ATP10B: variants seen among roughly 807,000 people sequenced by gnomAD.
ATP10B encodes the protein phospholipid-transporting ATPase VB.
ATP10B carries 122 observed loss-of-function variants against 141.2 expected under a neutral mutation model. That is an observed-to-expected ratio of 0.86 (90% CI 0.75 to 1.00). The LOEUF (loss-of-function observed/expected upper bound fraction) is 1.00. ATP10B is among the 50% of genes least tolerant of loss of function. ATP10B has a pLI of 0.00. For missense variants in ATP10B, 1,876 were observed against 1,825.3 expected (o/e 1.03, Z -0.51); for synonymous variants, 685 against 692.0 (o/e 0.99, Z 0.16).
At chr5:160,653,614 CATATATATTAT>C (rs1322195643) in intron 7 of ATP10B, among the ~76,000 whole-genome samples, 6 of 23,832 alleles carry the variant, frequency 2.5e-4, no homozygotes, top group Non-Finnish European at 3.6e-4. Context: ...TACATATATA[CATATATATTAT>C]ATATACATAT....
chr5:160,743,655 C>G (rs1363386996), intron 2 of ATP10B, among the ~76,000 whole-genome samples: 1 of 152,100 alleles, frequency 6.6e-6, no homozygotes, highest in Admixed American at 6.5e-5. Context: ...GGCGTCTAGA[C>G]AAAGGATATG....
intron 2 of ATP10B, among the ~76,000 whole-genome samples, chr5:160,743,518 TAGAG>T (rs1287771255): frequency 2.0e-5 from 3 of 152,114 alleles, no homozygotes; most frequent in Admixed American, 2.0e-4. Flanking sequence ...AGGAGACTGT[TAGAG>T]AGGTCAATCA....
At chr5:160,772,696 C>T (rs1769992877) in intron 2 of ATP10B, among the ~76,000 whole-genome samples, 1 of 152,166 alleles carries the variant, frequency 6.6e-6, no homozygotes, top group Non-Finnish European at 1.5e-5. Flanking sequence ...GGAGCTCAGG[C>T]AGTAATGCTC....
Position 160,672,886 on chromosome 5 carries a change from TCA to T in ATP10B, c.471-2221_471-2220del, listed in dbSNP as rs139578764. Among the ~76,000 whole-genome samples, 341 of 152,324 alleles carry T rather than the reference TCA, an allele frequency of 2.2e-3. 1 individual carries two copies. The highest frequency in any genetic ancestry group is 7.8e-3 in the African/African-American group (325 of 41,578). On this transcript the variant is annotated intron_variant, in intron 6 of 25. Transcript: ENST00000327245. ...CCTCCTGGAGGCCCTCTGGAGAATC[TCA>T]GACAAGTCTTCCTAAGATCCAATCT...
chr5:160,652,856 A>G (rs1436589807), intron 7 of ATP10B, among the ~76,000 whole-genome samples: 1 of 84,578 alleles, frequency 1.2e-5, no homozygotes, highest in East Asian at 2.8e-4. Flanking sequence ...AAAAGATTAT[A>G]AATTATATAT....
At chr5:160,918,321 G>C in the ATP10B span, among the ~76,000 whole-genome samples, 1 of 152,160 alleles carries the variant, frequency 6.6e-6, no homozygotes, top group Non-Finnish European at 1.5e-5. Flanking sequence ...AGAGCTAGAA[G>C]AACACATAAA....
intron 6 of ATP10B, among the ~76,000 whole-genome samples, chr5:160,673,340 C>T (rs1195640339): frequency 6.6e-6 from 1 of 152,160 alleles, no homozygotes; most frequent in East Asian, 1.9e-4. Flanking sequence ...GGGATGCTTT[C>T]GTACAGGCAT....
intron 5 of ATP10B, chr5:160,686,830 A>G (rs577594074): frequency 2.0e-5 from 9 of 457,844 alleles, no homozygotes; most frequent in Non-Finnish European, 2.3e-5. Flanking sequence ...AGGGCTCTGG[A>G]GCATAGCAGT....
chr5:160,900,780 G>T, the ATP10B span, among the ~76,000 whole-genome samples: 1 of 139,366 alleles, frequency 7.2e-6, no homozygotes, highest in South Asian at 2.2e-4. Flanking sequence ...TGGGATGGTA[G>T]ATAAGATTTA....
At chr5:160,694,394 C>T (rs1162774021) in intron 3 of ATP10B, among the ~76,000 whole-genome samples, 1 of 152,116 alleles carries the variant, frequency 6.6e-6, no homozygotes, top group African/African-American at 2.4e-5. Context: ...TGAGGATTAC[C>T]TAATTTTGCT....
chr5:160,662,893 C>T (rs1286225160), intron 7 of ATP10B, among the ~76,000 whole-genome samples: 1 of 152,126 alleles, frequency 6.6e-6, no homozygotes, highest in African/African-American at 2.4e-5. Flanking sequence ...TTGCAATCTA[C>T]CCATCTGACA....
the ATP10B span, among the ~76,000 whole-genome samples, chr5:160,880,188 T>C: frequency 4.9e-5 from 7 of 142,780 alleles, no homozygotes; most frequent in East Asian, 1.4e-3. Flanking sequence ...ATGTAAATAT[T>C]TTTATATATA....
At chr5:160,807,997 G>T (rs1289713650) in intron 1 of ATP10B, among the ~76,000 whole-genome samples, 1 of 152,080 alleles carries the variant, frequency 6.6e-6, no homozygotes, top group Non-Finnish European at 1.5e-5. Context: ...ATTAATGAAT[G>T]CTATCTCTAC....
At chr5:160,900,908 G>GTTTTTTTTT in the ATP10B span, among the ~76,000 whole-genome samples, 3 of 88,986 alleles carry the variant, frequency 3.4e-5, no homozygotes, top group African/African-American at 1.3e-4. Context: ...GGGTAGAGAA[G>GTTTTTTTTT]TTTTTTTTTT....
the ATP10B span, among the ~76,000 whole-genome samples, chr5:160,897,336 C>T: frequency 2.0e-5 from 3 of 152,200 alleles, no homozygotes; most frequent in Admixed American, 1.3e-4. Flanking sequence ...TAAGCAACTT[C>T]AGCTAAGTCT....
In ATP10B at chr5:160,666,235, A is replaced by T. The variant is rs547805928; in HGVS notation, c.675+4228T>A. Among the ~76,000 whole-genome samples, 24 of 152,202 alleles carry T rather than the reference A, an allele frequency of 1.6e-4. 1 individual carries two copies. Among genetic ancestry groups the T allele is most frequent in the African/African-American group, 5.3e-4 (22 of 41,518 alleles). ...TAGGTTTATATCGAGATTGTCTGGG[A>T]GAAAATTTTTAAAAATATGCACACT... On this transcript the variant is annotated intron_variant, in intron 7 of 25. Transcript: ENST00000327245.
the ATP10B span, among the ~76,000 whole-genome samples, chr5:160,861,858 C>A: frequency 1.3e-5 from 2 of 151,796 alleles, no homozygotes; most frequent in African/African-American, 4.8e-5. Context: ...TAATTTACTT[C>A]TTTAAAAATA....
At chr5:160,890,251 T>TA in the ATP10B span, among the ~76,000 whole-genome samples, 1 of 152,244 alleles carries the variant, frequency 6.6e-6, no homozygotes, top group African/African-American at 2.4e-5. Flanking sequence ...CTTTATGGAC[T>TA]AAGTGCTTCT....
chr5:160,919,170 G>C, the ATP10B span, among the ~76,000 whole-genome samples: 3 of 128,324 alleles, frequency 2.3e-5, no homozygotes, highest in African/African-American at 9.3e-5. Flanking sequence ...CTTGCAGTGA[G>C]TCGAGATCGC....
Sources: gnomAD v4.1 joint callset for allele counts (sites outside exome capture counted in the v4.1 genomes callset) on GRCh38, gnomAD v4.1.1 for gene constraint, MANE v1.5 for transcripts, NCBI Gene and HGNC (gene_info 2026-07-23, HGNC 2026-07-21) for gene names.